RBMS3: variants seen among roughly 807,000 people sequenced by gnomAD.
RBMS3 encodes the protein RNA-binding motif, single-stranded-interacting protein 3.
In RBMS3, 27 loss-of-function variants were observed where a neutral mutation model predicts 66.8. The observed-to-expected ratio is 0.40, with a 90% CI of 0.30 to 0.56. The LOEUF is 0.56. Ranked by LOEUF, RBMS3 falls within the 20% of genes least tolerant of loss-of-function variation. RBMS3 has a pLI of 0.40. For synonymous variants in RBMS3, 188 were observed against 183.0 expected, an observed-to-expected ratio of 1.03 and a Z score of -0.22; for missense variants, 513 against 549.5, an observed-to-expected ratio of 0.93 and a Z score of 0.66.
chr3:29,781,188 C>G (rs2056620401), intron 6 of RBMS3, among the ~76,000 whole-genome samples: 2 of 148,546 alleles, frequency 1.3e-5, no homozygotes, highest in South Asian at 4.4e-4. Flanking sequence ...TTTCGCTTCC[C>G]CATTGTGGTC....
intron 14 of RBMS3, among the ~76,000 whole-genome samples, chr3:29,997,822 G>C (rs1038092740): frequency 6.6e-6 from 1 of 152,146 alleles, no homozygotes; most frequent in African/African-American, 2.4e-5. Context: ...ATACTGAATG[G>C]GCAAAAACTG....
intron 3 of RBMS3, among the ~76,000 whole-genome samples, chr3:29,546,451 A>C (rs140049790): frequency 6.6e-6 from 1 of 152,162 alleles, no homozygotes; most frequent in East Asian, 1.9e-4. Context: ...GGATACGTAC[A>C]CATGAAAAAT....
chr3:29,307,559 G>A (rs2034094608), intron 1 of RBMS3, among the ~76,000 whole-genome samples: 1 of 151,814 alleles, frequency 6.6e-6, no homozygotes, highest in South Asian at 2.1e-4. Flanking sequence ...GTGTGCTATT[G>A]GTGTTTCCTT....
chr3:29,563,534 CA>C (rs2046630086), intron 3 of RBMS3, among the ~76,000 whole-genome samples: 1 of 151,992 alleles, frequency 6.6e-6, no homozygotes, highest in African/African-American at 2.4e-5. Flanking sequence ...TCTTTATCAT[CA>C]AAAAAGGAGC....
At chr3:29,834,599 TAAAGGTAATCATGAAGCAA>T (rs1255937193) in intron 6 of RBMS3, among the ~76,000 whole-genome samples, 1 of 151,874 alleles carries the variant, frequency 6.6e-6, no homozygotes, top group East Asian at 1.9e-4. Flanking sequence ...TATGTAAGCC[TAAAGGTAATCATGAAGCAA>T]ACTCTTATAG....
At chr3:29,825,530 A>C (rs145610847) in intron 6 of RBMS3, among the ~76,000 whole-genome samples, 2 of 152,104 alleles carry the variant, frequency 1.3e-5, no homozygotes, top group African/African-American at 4.8e-5. Context: ...AATAAGTCTC[A>C]CTAGATCTGA....
At chr3:29,550,383 G>T (rs544769615) in intron 3 of RBMS3, among the ~76,000 whole-genome samples, 3 of 152,004 alleles carry the variant, frequency 2.0e-5, no homozygotes, top group Non-Finnish European at 4.4e-5. Context: ...AATGTTTTTA[G>T]TATAAGTATG....
In RBMS3 at chr3:29,404,430, A is replaced by G. The variant is rs572955581; in HGVS notation, c.76-30313A>G. On this transcript the variant is annotated intron_variant, in intron 1 of 14. Transcript: ENST00000383767. ...ATTTTCTTTTTGCTGGTTAAGAGACATATGTTATAGGTACAGCTTACTATC... is the reference window on the plus strand; with the variant it reads ...ATTTTCTTTTTGCTGGTTAAGAGACGTATGTTATAGGTACAGCTTACTATC... 1.2e-4 allele frequency among the ~76,000 whole-genome samples: 18 copies of G among 152,230 alleles called. 1 individual carries two copies. Among genetic ancestry groups the G allele is most frequent in the Middle Eastern group, 6.8e-3 (2 of 294 alleles).
intron 3 of RBMS3, among the ~76,000 whole-genome samples, chr3:29,518,620 AAGTT>A (rs1225087172): frequency 6.6e-6 from 1 of 152,176 alleles, no homozygotes; most frequent in Non-Finnish European, 1.5e-5. Flanking sequence ...GACATGTCTA[AAGTT>A]TAAGTAGCCA....
intron 1 of RBMS3, among the ~76,000 whole-genome samples, chr3:29,409,464 A>G (rs191772574): frequency 7.5e-4 from 115 of 152,350 alleles, no homozygotes; most frequent in Non-Finnish European, 1.3e-3. Context: ...AGTAAGTACA[A>G]ATTATTGTCC....
chr3:29,679,333 C>G (rs992943714), intron 4 of RBMS3, among the ~76,000 whole-genome samples: 3 of 152,002 alleles, frequency 2.0e-5, no homozygotes, highest in African/African-American at 7.2e-5. Flanking sequence ...TTGCATTATC[C>G]GTCGATTTTT....
intron 4 of RBMS3, among the ~76,000 whole-genome samples, chr3:29,673,561 A>G (rs116110530): frequency 0.036 from 5,434 of 152,178 alleles, 316 homozygotes; most frequent in African/African-American, 0.12. Context: ...ATAAAAAATA[A>G]TAAAAGTGAT....
At position 29,425,047 on chromosome 3, in the gene RBMS3, A is replaced by T. The variant is rs189076568; in HGVS notation, c.76-9696A>T. Among the ~76,000 whole-genome samples the T allele has an allele frequency of 4.0e-3, 603 of 152,084 alleles. 5 individuals carry two copies. Among genetic ancestry groups the T allele is most frequent in the African/African-American group, 0.014 (568 of 41,492 alleles). On this transcript the variant is annotated intron_variant, in intron 1 of 14. Transcript: ENST00000383767. Reference sequence around the variant, plus strand: ...TTCTACTTAGGAGGGTGTACATTTTAAAAAAGCTAGGGGAGGCCAAGCGCG... The same window carrying T: ...TTCTACTTAGGAGGGTGTACATTTTTAAAAAGCTAGGGGAGGCCAAGCGCG...
chr3:29,558,784 T>C (rs1318729274), intron 3 of RBMS3, among the ~76,000 whole-genome samples: 2 of 152,218 alleles, frequency 1.3e-5, no homozygotes, highest in Non-Finnish European at 1.5e-5. Flanking sequence ...TCTGACTCAG[T>C]AGGTCCAGGA....
At chr3:29,299,090 C>T (rs2033489740) in intron 1 of RBMS3, among the ~76,000 whole-genome samples, 1 of 151,766 alleles carries the variant, frequency 6.6e-6, no homozygotes, top group African/African-American at 2.4e-5. Context: ...ACTGTTGGAG[C>T]AAGTAGACCC....
intron 5 of RBMS3, among the ~76,000 whole-genome samples, chr3:29,743,551 G>C (rs2149354569): frequency 6.6e-6 from 1 of 152,192 alleles, no homozygotes; most frequent in East Asian, 1.9e-4. Flanking sequence ...TCAGCAGTCT[G>C]TAATCTGTGT....
At chr3:29,811,178 G>A (rs547444573) in intron 6 of RBMS3, among the ~76,000 whole-genome samples, 1 of 152,128 alleles carries the variant, frequency 6.6e-6, no homozygotes, top group Admixed American at 6.6e-5. Flanking sequence ...CTCTCAGGTG[G>A]TGTAATCTTC....
intron 6 of RBMS3, among the ~76,000 whole-genome samples, chr3:29,866,034 G>A (rs538702168): frequency 1.9e-3 from 266 of 143,008 alleles, no homozygotes; most frequent in Non-Finnish European, 3.0e-3. Flanking sequence ...TATGTAAAAT[G>A]GAAGTGCTTG....
chr3:29,293,238 G>A (rs911713581), intron 1 of RBMS3, among the ~76,000 whole-genome samples: 10 of 150,684 alleles, frequency 6.6e-5, no homozygotes, highest in African/African-American at 2.4e-4. Flanking sequence ...CGATCTGTAT[G>A]TGCTCACAAA....
Sources: gnomAD v4.1 joint callset for allele counts (sites outside exome capture counted in the v4.1 genomes callset) on GRCh38, gnomAD v4.1.1 for gene constraint, MANE v1.5 for transcripts, NCBI Gene and HGNC (gene_info 2026-07-23, HGNC 2026-07-21) for gene names.